The following IFIT1 variants were observed in gnomAD, a reference collection of about 807,000 sequenced individuals.
The protein encoded by IFIT1 is interferon induced protein with tetratricopeptide repeats 1, also known as antiviral innate immune response effector IFIT1.
Under a neutral mutation model 2.5 loss-of-function variants are expected in IFIT1, and 1 was observed. The ratio of observed to expected loss-of-function variants is 0.40; its 90% CI spans 0.14 to 1.92. IFIT1 has a LOEUF of 1.92. IFIT1 is among the 40% of genes most tolerant of loss of function. The pLI, the probability that IFIT1 is intolerant of heterozygous loss-of-function variation, is 0.31. For missense variants in IFIT1, 508 were observed against 557.8 expected (o/e 0.91, Z 0.90); for synonymous variants, 191 against 201.7 (o/e 0.95, Z 0.45).
chr10:89,396,585 C>A (rs537961897), intron 1 of IFIT1, among the ~76,000 whole-genome samples: 3 of 152,150 alleles, frequency 2.0e-5, no homozygotes, highest in Non-Finnish European at 4.4e-5. Context: ...AGAATGGCAC[C>A]AGGTCATTCA....
At chr10:89,393,400 C>A in intron 1 of IFIT1, 1 of 831,432 alleles carries the variant, frequency 1.2e-6, no homozygotes. Context: ...TCTTCCTTAC[C>A]TAAAGGGCCT....
At position 89,402,281 on chromosome 10, in the gene IFIT1, T is replaced by C. The variant is rs774440279; in HGVS notation, c.6T>C (p.Ser2=). 4 of 1,600,804 alleles carry C rather than the reference T, an allele frequency of 2.5e-6. No homozygotes were observed. Among genetic ancestry groups the C allele is most frequent in the Non-Finnish European group, 1.7e-6 (2 of 1,172,028 alleles). The change falls in exon 2 of 2, where the codon AGT becomes AGC. Residue 2 remains serine, a splice_region_variant and synonymous_variant. Transcript: ENST00000371804. ...AGAAAATCTGTTTTTGTTTTTACAGTACAAATGGTGATGATCATCAGGTCA... is the reference window on the plus strand; with the variant it reads ...AGAAAATCTGTTTTTGTTTTTACAGCACAAATGGTGATGATCATCAGGTCA... M[S]TNGDDHQVKD...
chr10:89,400,121 T>C (rs1844401655), intron 1 of IFIT1, among the ~76,000 whole-genome samples: 1 of 152,260 alleles, frequency 6.6e-6, no homozygotes, highest in Admixed American at 6.5e-5. Flanking sequence ...TTCTATTCTA[T>C]TTCACTGGTC....
intron 1 of IFIT1, among the ~76,000 whole-genome samples, chr10:89,395,235 C>CACAG (rs1182297840): frequency 2.0e-5 from 3 of 146,622 alleles, no homozygotes. Context: ...ACCTCTCAGT[C>CACAG]ACAGCATGAC....
At chr10:89,396,638 C>T (rs1228028925) in intron 1 of IFIT1, among the ~76,000 whole-genome samples, 1 of 152,224 alleles carries the variant, frequency 6.6e-6, no homozygotes, top group Non-Finnish European at 1.5e-5. Flanking sequence ...CCACTAGACC[C>T]TACCTCCAAA....
rs373034374 is a variant in IFIT1, at chr10:89,403,130, C to T, written c.855C>T (p.Val285=). 6.8e-6 allele frequency: 11 copies of T among 1,614,012 alleles called. No homozygotes were observed. Among genetic ancestry groups the T allele is most frequent in the Admixed American group, 1.7e-5 (1 of 59,984 alleles). Residue 285 remains valine (V), a synonymous_variant, in exon 2 of 2, where the codon GTC becomes GTT. Transcript: ENST00000371804. ...CCTTGCAGGAAACACCCACTTCTGT[C>T]TTACTGCATCACCAGATAGGGCTTT... ...KKALQETPTS[V]LLHHQIGLCY...
chr10:89,402,018 T>C (rs1451818647), intron 1 of IFIT1, among the ~76,000 whole-genome samples: 1 of 152,220 alleles, frequency 6.6e-6, no homozygotes, highest in Non-Finnish European at 1.5e-5. Flanking sequence ...CCCAGTGTGA[T>C]AAATACTATC....
At position 89,402,974 on chromosome 10, in the gene IFIT1, A is replaced by G. The variant is rs201554379; in HGVS notation, c.699A>G (p.Glu233=). The G allele has an allele frequency of 1.2e-5, 19 of 1,614,000 alleles. No individual in the cohort carries two copies. The highest frequency in any genetic ancestry group is 2.7e-5 in the African/African-American group (2 of 74,912). ...LALKLQDEGQ[E]AEGEKYIEEA... ...TGAAGCTTCAGGATGAAGGACAGGA[A>G]GCTGAAGGAGAAAAGTACATTGAAG... is the stretch of plus-strand genomic sequence containing the variant. The change falls in exon 2 of 2, where the codon GAA becomes GAG. Residue 233 remains glutamate, a synonymous_variant. Coordinates refer to ENST00000371804, the MANE Select transcript of IFIT1 (RefSeq NM_001548.5).
rs1327750439 is a variant in IFIT1 at position 89,404,210 on chromosome 10, A to G, written c.*498A>G. The G allele has an allele frequency of 6.6e-6, 1 of 152,542 alleles. No homozygotes were observed. The highest frequency in any genetic ancestry group is 1.5e-5 in the Non-Finnish European group (1 of 68,328). The allele number at this position is 152,542 out of a possible 1,614,324, so 9.4% of individuals were successfully genotyped here. On this transcript the variant is annotated 3_prime_UTR_variant, in exon 2 of 2. Coordinates refer to ENST00000371804, the MANE Select transcript of IFIT1 (RefSeq NM_001548.5). ...AAACAGAAACCCATGGAAAACAAAG[A>G]ACAGAAGACTCACTCCTTGGCTGAC...
At chr10:89,400,321 TG>T (rs1463422430) in intron 1 of IFIT1, among the ~76,000 whole-genome samples, 14 of 152,224 alleles carry the variant, frequency 9.2e-5, no homozygotes, top group African/African-American at 3.1e-4. Flanking sequence ...AAAATGTCAT[TG>T]GGATTTTTAT....
Position 89,402,758 on chromosome 10 carries a change from G to C in IFIT1, c.483G>C (p.Lys161Asn), listed in dbSNP as rs1564810623. ...GAGGAAAAAATTATGAACGGGCCAA[G>C]GCCTGCTTTGAAAAGGTGCTTGAAG... ...KCGGKNYERA[K>N]ACFEKVLEVD... The change falls in exon 2 of 2, where the codon AAG becomes AAC. Residue 161 changes from lysine (K) to asparagine (N), a missense_variant. Coordinates refer to ENST00000371804, the MANE Select transcript of IFIT1 (RefSeq NM_001548.5). 2 of 1,614,216 alleles carry C rather than the reference G, an allele frequency of 1.2e-6. No homozygotes were observed. Among genetic ancestry groups the C allele is most frequent in the Middle Eastern group, 3.3e-4 (2 of 6,062 alleles).
At chr10:89,397,983 CT>C (rs1844369156) in intron 1 of IFIT1, among the ~76,000 whole-genome samples, 1 of 152,180 alleles carries the variant, frequency 6.6e-6, no homozygotes, top group South Asian at 2.1e-4. Context: ...AATACATTCA[CT>C]TTATTGTGCA....
chr10:89,393,420 A>G, intron 1 of IFIT1: 1 of 689,674 alleles, frequency 1.4e-6, no homozygotes, highest in Non-Finnish European at 2.0e-6. Flanking sequence ...TAATGTGGGA[A>G]TTTCTCAGCT....
rs1456327682 is a variant in IFIT1 at position 89,403,569 on chromosome 10, A to C, written c.1294A>C (p.Arg432=). The C allele has an allele frequency of 6.2e-7, 1 of 1,613,988 alleles. No homozygotes were observed. The highest frequency in any genetic ancestry group is 1.3e-5 in the African/African-American group (1 of 74,942). Residue 432 remains arginine (R), a synonymous_variant, in exon 2 of 2, where the codon AGA becomes CGA. Coordinates refer to ENST00000371804, the MANE Select transcript of IFIT1 (RefSeq NM_001548.5). ...LKKLVLRKLR[R]KALDLESLSL... ...GAAATTGGTTTTAAGGAAACTTCGG[A>C]GAAAGGCATTAGATCTGGAAAGCTT... is the stretch of plus-strand genomic sequence containing the variant.
At chr10:89,400,542 A>G (rs1166920356) in intron 1 of IFIT1, among the ~76,000 whole-genome samples, 2 of 151,980 alleles carry the variant, frequency 1.3e-5, no homozygotes, top group Non-Finnish European at 2.9e-5. Flanking sequence ...TATTTTTGTA[A>G]ATGGGATTGT....
rs558091650 is a variant in IFIT1 at position 89,403,092 on chromosome 10, T to C, written c.817T>C (p.Leu273=). Residue 273 remains leucine (L), a synonymous_variant, in exon 2 of 2, where the codon TTA becomes CTA. Transcript: ENST00000371804. ...AGGCTCTGTGGATAAAGCTCTTGAG[T>C]TATTAAAAAAGGCCTTGCAGGAAAC... ...RKGSVDKALE[L]LKKALQETPT... 25 of 1,614,008 alleles carry C rather than the reference T, an allele frequency of 1.5e-5. No homozygotes were observed. In the South Asian group the frequency reaches 2.5e-4, roughly 16 times the overall value.
chr10:89,397,251 CT>C (rs1844357321), intron 1 of IFIT1, among the ~76,000 whole-genome samples: 4 of 151,918 alleles, frequency 2.6e-5, no homozygotes, highest in African/African-American at 7.3e-5. Context: ...TCCTTATGTA[CT>C]GGTTATTTTT....
Position 89,402,365 on chromosome 10 carries a change from T to C in IFIT1, c.90T>C (p.Asp30=), listed in dbSNP as rs778985480. The change falls in exon 2 of 2, where the codon GAT becomes GAC. Residue 30 remains aspartate (D), a synonymous_variant. Transcript: ENST00000371804. ...HFTWELSIDD[D]EMPDLENRVL... ...CATGGGAGTTATCCATTGATGACGA[T>C]GAAATGCCTGATTTAGAAAACAGAG... 3 of 1,614,038 alleles carry C rather than the reference T, an allele frequency of 1.9e-6. No individual in the cohort carries two copies. Among genetic ancestry groups the C allele is most frequent in the Middle Eastern group, 1.6e-4 (1 of 6,084 alleles).
At chr10:89,393,048 C>T in intron 1 of IFIT1, 2 of 931,264 alleles carry the variant, frequency 2.1e-6, no homozygotes, top group Non-Finnish European at 2.9e-6. Flanking sequence ...AGATTCACTT[C>T]TGTCTGATAT....
Sources: allele counts gnomAD v4.1 joint callset (sites outside exome capture counted in the v4.1 genomes callset), GRCh38; gene constraint gnomAD v4.1.1; transcripts MANE v1.5; gene names NCBI Gene and HGNC (gene_info 2026-07-23, HGNC 2026-07-21).